PTPRG: variants seen among roughly 807,000 people sequenced by gnomAD.
PTPRG encodes the protein receptor-type tyrosine-protein phosphatase gamma.
PTPRG carries 102 observed loss-of-function variants against 165.3 expected under a neutral mutation model. The observed-to-expected ratio is 0.62, with a 90% CI of 0.53 to 0.73. The LOEUF (loss-of-function observed/expected upper bound fraction) is 0.73, where lower values mean the gene tolerates loss of function less well. Ranked by LOEUF, PTPRG falls within the 30% of genes least tolerant of loss-of-function variation. The pLI, the probability that PTPRG is intolerant of heterozygous loss-of-function variation, is 0.00. For synonymous variants in PTPRG, 675 were observed against 669.5 expected (o/e 1.01, Z -0.13); for missense variants, 1,866 against 1,861.4 (o/e 1.00, Z -0.05).
intron 1 of PTPRG, among the ~76,000 whole-genome samples, chr3:61,733,175 A>G (rs1160051390): frequency 6.6e-6 from 1 of 152,236 alleles, no homozygotes; most frequent in Non-Finnish European, 1.5e-5. Context: ...ACCCAGGTCA[A>G]AGGTCACTTT....
At chr3:62,030,841 C>T (rs1365374488) in intron 4 of PTPRG, among the ~76,000 whole-genome samples, 2 of 152,124 alleles carry the variant, frequency 1.3e-5, no homozygotes, top group African/African-American at 4.8e-5. Flanking sequence ...GCTGATTTGC[C>T]TCTGGAATGG....
intron 7 of PTPRG, among the ~76,000 whole-genome samples, chr3:62,161,308 A>C (rs1325467693): frequency 6.6e-6 from 1 of 152,230 alleles, no homozygotes; most frequent in Non-Finnish European, 1.5e-5. Flanking sequence ...AAGTAAAATC[A>C]CATCATTTAA....
intron 16 of PTPRG, among the ~76,000 whole-genome samples, chr3:62,258,891 A>G (rs943043288): frequency 2.6e-5 from 4 of 152,168 alleles, no homozygotes; most frequent in African/African-American, 9.7e-5. Context: ...CCCCACAAAC[A>G]TAATGCAGAA....
chr3:62,088,698 C>T (rs349163), intron 5 of PTPRG, among the ~76,000 whole-genome samples: 21,982 of 152,174 alleles, frequency 0.14, 3,901 homozygotes, highest in African/African-American at 0.42. Flanking sequence ...AGAGCATGTA[C>T]AAATGCTTTT....
chr3:61,916,322 G>A (rs2038934814), intron 2 of PTPRG, among the ~76,000 whole-genome samples: 1 of 152,152 alleles, frequency 6.6e-6, no homozygotes, highest in Admixed American at 6.5e-5. Flanking sequence ...CAGACATAGG[G>A]TGGTGTTGAA....
At chr3:62,283,304 T>G (rs1030975981) in intron 28 of PTPRG, among the ~76,000 whole-genome samples, 1 of 152,148 alleles carries the variant, frequency 6.6e-6, no homozygotes, top group African/African-American at 2.4e-5. Context: ...AAACTACTAG[T>G]ATTAATGATA....
chr3:61,573,127 G>T (rs1053669291), intron 1 of PTPRG, among the ~76,000 whole-genome samples: 1 of 152,198 alleles, frequency 6.6e-6, no homozygotes, highest in Non-Finnish European at 1.5e-5. Context: ...TGACTTCCCT[G>T]GTTGATTTGA....
intron 2 of PTPRG, among the ~76,000 whole-genome samples, chr3:61,943,833 C>T (rs1575810010): frequency 6.6e-6 from 1 of 152,230 alleles, no homozygotes. Flanking sequence ...TGGATAACTG[C>T]TGCTTAACTA....
intron 5 of PTPRG, among the ~76,000 whole-genome samples, chr3:62,130,642 C>A (rs556978013): frequency 7.9e-5 from 12 of 152,158 alleles, no homozygotes; most frequent in Admixed American, 6.5e-5. Flanking sequence ...TTATTCTATT[C>A]TGGCCTCTTG....
intron 4 of PTPRG, among the ~76,000 whole-genome samples, chr3:62,026,997 A>G (rs1310159420): frequency 1.3e-5 from 2 of 151,986 alleles, no homozygotes; most frequent in Non-Finnish European, 2.9e-5. Flanking sequence ...AATAGGAGCA[A>G]TTATTATTGT....
At chr3:62,174,768 T>C (rs1559603934) in intron 8 of PTPRG, among the ~76,000 whole-genome samples, 1 of 152,250 alleles carries the variant, frequency 6.6e-6, no homozygotes, top group Non-Finnish European at 1.5e-5. Context: ...GAATTACTTA[T>C]CTTATTAAAA....
At chr3:62,043,293 A>G (rs578140965) in intron 4 of PTPRG, among the ~76,000 whole-genome samples, 12 of 152,108 alleles carry the variant, frequency 7.9e-5, no homozygotes, top group Non-Finnish European at 1.8e-4. Context: ...AATTTTGTTT[A>G]TTTTCATATC....
At chr3:62,231,727 A>G (rs1700906109) in intron 14 of PTPRG, among the ~76,000 whole-genome samples, 1 of 152,118 alleles carries the variant, frequency 6.6e-6, no homozygotes, top group Non-Finnish European at 1.5e-5. Flanking sequence ...AGAAACCTAA[A>G]TTTGTAGATA....
At chr3:61,724,145 G>T (rs1210678944) in intron 1 of PTPRG, among the ~76,000 whole-genome samples, 1 of 149,606 alleles carries the variant, frequency 6.7e-6, no homozygotes, top group African/African-American at 2.5e-5. Flanking sequence ...AGGCACTGGA[G>T]GGGGAGGTTG....
At chr3:61,689,453 A>C (rs564909841) in intron 1 of PTPRG, among the ~76,000 whole-genome samples, 8 of 152,340 alleles carry the variant, frequency 5.3e-5, no homozygotes, top group African/African-American at 1.9e-4. Flanking sequence ...CTTTGGAGGG[A>C]ACAGAGTCTT....
intron 2 of PTPRG, among the ~76,000 whole-genome samples, chr3:61,814,642 A>G (rs557568673): frequency 1.3e-5 from 2 of 152,036 alleles, no homozygotes; most frequent in South Asian, 2.1e-4. Context: ...GTAGCTACCT[A>G]GTGTGCTGCT....
chr3:62,032,337 C>T (rs1699796051), intron 4 of PTPRG, among the ~76,000 whole-genome samples: 1 of 152,176 alleles, frequency 6.6e-6, no homozygotes, highest in Non-Finnish European at 1.5e-5. Context: ...CTTTAGTGAC[C>T]TTTCCCCAAG....
At chr3:61,956,833 G>C (rs2040044471) in intron 2 of PTPRG, among the ~76,000 whole-genome samples, 1 of 152,080 alleles carries the variant, frequency 6.6e-6, no homozygotes, top group Non-Finnish European at 1.5e-5. Context: ...TGGCTCTTTA[G>C]CTATTTCCCT....
In PTPRG at chr3:61,830,898, T is replaced by C. The variant is rs183114504; in HGVS notation, c.190+81916T>C. 2.4e-3 allele frequency among the ~76,000 whole-genome samples: 366 copies of C among 152,330 alleles called. 5 individuals are homozygous for C. Among genetic ancestry groups the C allele is most frequent in the African/African-American group, 8.1e-3 (337 of 41,586 alleles). On this transcript the variant is annotated intron_variant, in intron 2 of 29. Transcript: ENST00000474889. ...CGATGGATCTCTTTATCGGGAGGTA[T>C]AAATGCATCAAAATTTGTGGAGCTG...
Sources: gnomAD v4.1 joint callset for allele counts (sites outside exome capture counted in the v4.1 genomes callset) on GRCh38, gnomAD v4.1.1 for gene constraint, MANE v1.5 for transcripts, NCBI Gene and HGNC (gene_info 2026-07-23, HGNC 2026-07-21) for gene names.